Variants in CWC27 observed in about 807,000 individuals in gnomAD.
The protein encoded by CWC27 is spliceosome-associated protein CWC27 homolog.
CWC27 carries 47 observed loss-of-function variants against 63.6 expected under a neutral mutation model. That is an observed-to-expected ratio of 0.74 (90% CI 0.58 to 0.94). The LOEUF is 0.94. Among genes scored for constraint, CWC27 ranks in the 40% least tolerant of loss-of-function variants. The pLI is 0.00. For missense variants in CWC27, 495 were observed against 554.3 expected, an observed-to-expected ratio of 0.89 and a Z score of 1.07; for synonymous variants, 175 against 179.8, an observed-to-expected ratio of 0.97 and a Z score of 0.22.
At chr5:64,876,016 G>A (rs1455173800) in intron 10 of CWC27, among the ~76,000 whole-genome samples, 2 of 152,042 alleles carry the variant, frequency 1.3e-5, no homozygotes, top group African/African-American at 4.8e-5. Context: ...GGCTTACATT[G>A]GTTAACTTAG....
chr5:64,870,379 C>G (rs1746639782), intron 10 of CWC27, among the ~76,000 whole-genome samples: 3 of 151,676 alleles, frequency 2.0e-5, no homozygotes, highest in South Asian at 4.2e-4. Flanking sequence ...ATATGTCACA[C>G]TTTTTGTTCT....
chr5:64,993,548 T>G (rs986182159), intron 13 of CWC27, among the ~76,000 whole-genome samples: 2 of 151,954 alleles, frequency 1.3e-5, no homozygotes, highest in African/African-American at 4.8e-5. Context: ...CTGGCAGACT[T>G]AGCTACTATA....
intron 10 of CWC27, among the ~76,000 whole-genome samples, chr5:64,882,014 C>A (rs910884806): frequency 6.6e-6 from 1 of 152,140 alleles, no homozygotes; most frequent in Non-Finnish European, 1.5e-5. Flanking sequence ...TGTGCAGCGG[C>A]TACCCAGTTC....
chr5:64,912,008 A>T (rs1341363692), intron 11 of CWC27, among the ~76,000 whole-genome samples: 2 of 150,434 alleles, frequency 1.3e-5, no homozygotes, highest in Non-Finnish European at 3.0e-5. Context: ...CAGGAGGCAG[A>T]TCTTGCAGTG....
chr5:65,002,830 A>G (rs1353654198), intron 13 of CWC27, among the ~76,000 whole-genome samples: 1 of 152,154 alleles, frequency 6.6e-6, no homozygotes. Flanking sequence ...TTTAAATGCA[A>G]TGATTCCGTA....
At chr5:64,798,919 G>C (rs1022742054) in intron 7 of CWC27, among the ~76,000 whole-genome samples, 4 of 152,056 alleles carry the variant, frequency 2.6e-5, no homozygotes, top group African/African-American at 4.8e-5. Flanking sequence ...TGGGAGTTGG[G>C]GTGGTGAGCA....
intron 10 of CWC27, chr5:64,884,046 A>G (rs145737327): frequency 1.3e-5 from 2 of 152,256 alleles, no homozygotes; most frequent in Non-Finnish European, 2.9e-5. Flanking sequence ...GTCTCCCCCA[A>G]CATGTTGCTA....
chr5:65,015,145 T>C (rs1750028759), intron 13 of CWC27, among the ~76,000 whole-genome samples: 1 of 152,208 alleles, frequency 6.6e-6, no homozygotes, highest in African/African-American at 2.4e-5. Context: ...TGTCTAGAGT[T>C]CATTTTTTAT....
At chr5:64,992,659 G>A (rs1309552) in intron 13 of CWC27, among the ~76,000 whole-genome samples, 1 of 150,242 alleles carries the variant, frequency 6.7e-6, no homozygotes, top group African/African-American at 2.5e-5. Context: ...AGCCTCCCAC[G>A]TAGCTGGGAC....
chr5:64,936,644 C>T (rs749312553), intron 11 of CWC27, among the ~76,000 whole-genome samples: 4 of 152,116 alleles, frequency 2.6e-5, no homozygotes, highest in Admixed American at 6.5e-5. Context: ...CCTTCTTTTT[C>T]TATTTTGTGG....
intron 13 of CWC27, among the ~76,000 whole-genome samples, chr5:65,005,541 C>A (rs1374798658): frequency 6.6e-6 from 1 of 151,706 alleles, no homozygotes; most frequent in Non-Finnish European, 1.5e-5. Context: ...ATAATGTGTG[C>A]AGATACCACT....
chr5:64,974,977 T>A (rs1749201496), intron 12 of CWC27, among the ~76,000 whole-genome samples: 1 of 152,162 alleles, frequency 6.6e-6, no homozygotes, highest in South Asian at 2.1e-4. Context: ...TAACCTCTAC[T>A]CTAAAAACAG....
At chr5:64,867,373 A>T (rs111447869) in intron 10 of CWC27, among the ~76,000 whole-genome samples, 100 of 152,222 alleles carry the variant, frequency 6.6e-4, no homozygotes, top group African/African-American at 2.3e-3. Flanking sequence ...TTTATGATAG[A>T]TATTACAGTG....
intron 10 of CWC27, among the ~76,000 whole-genome samples, chr5:64,853,654 A>G (rs1403093191): frequency 6.6e-6 from 1 of 152,132 alleles, no homozygotes; most frequent in Non-Finnish European, 1.5e-5. Flanking sequence ...GAAGCTTACA[A>G]TTATGGTGGA....
intron 11 of CWC27, among the ~76,000 whole-genome samples, chr5:64,954,534 C>T (rs1398102700): frequency 6.6e-6 from 1 of 152,002 alleles, no homozygotes; most frequent in African/African-American, 2.4e-5. Context: ...AGCCTCCCAC[C>T]TTAGCCTCCC....
chr5:64,992,839 T>C (rs1267237438), intron 13 of CWC27, among the ~76,000 whole-genome samples: 1 of 152,112 alleles, frequency 6.6e-6, no homozygotes, highest in African/African-American at 2.4e-5. Flanking sequence ...TGCCACTTTC[T>C]ACACTTTTTT....
intron 10 of CWC27, among the ~76,000 whole-genome samples, chr5:64,805,810 G>A (rs1008262550): frequency 6.6e-6 from 1 of 151,988 alleles, no homozygotes; most frequent in Non-Finnish European, 1.5e-5. Context: ...TTAAAAAATT[G>A]TTTACCTAAT....
intron 11 of CWC27, among the ~76,000 whole-genome samples, chr5:64,897,188 G>T (rs1747398920): frequency 6.6e-6 from 1 of 152,144 alleles, no homozygotes; most frequent in South Asian, 2.1e-4. Flanking sequence ...GACAGAGTGA[G>T]AATCTAGAAG....
intron 11 of CWC27, among the ~76,000 whole-genome samples, chr5:64,908,582 A>G (rs990707677): frequency 6.6e-6 from 1 of 152,160 alleles, no homozygotes; most frequent in African/African-American, 2.4e-5. Flanking sequence ...TTGGCTGCAT[A>G]TATATTTAGG....
Sources: gnomAD v4.1 joint callset for allele counts (sites outside exome capture counted in the v4.1 genomes callset) on GRCh38, gnomAD v4.1.1 for gene constraint, MANE v1.5 for transcripts, NCBI Gene and HGNC (gene_info 2026-07-23, HGNC 2026-07-21) for gene names.